The following AVL9 variants were observed in gnomAD, a reference collection of about 807,000 sequenced individuals.
AVL9 encodes the protein late secretory pathway protein AVL9 homolog.
AVL9 carries 49 observed loss-of-function variants against 79.2 expected under a neutral mutation model. The observed-to-expected ratio is 0.62, with a 90% confidence interval of 0.49 to 0.79. AVL9 has a LOEUF of 0.79. AVL9 is among the 30% of genes least tolerant of loss of function. AVL9 has a pLI of 0.00. For missense variants in AVL9, 682 were observed against 776.8 expected, an observed-to-expected ratio of 0.88 and a Z score of 1.45; for synonymous variants, 299 against 280.6, an observed-to-expected ratio of 1.07 and a Z score of -0.65.
chr7:32,581,039 C>T, intron 15 of AVL9, 149 bp downstream of exon 15: 1 of 714,238 alleles, frequency 1.4e-6, no homozygotes, highest in Non-Finnish European at 2.3e-6. Flanking sequence ...TTGTCATATT[C>T]ATTTGAAAAA....
intron 1 of AVL9, among the ~76,000 whole-genome samples, chr7:32,521,260 T>C (rs1330357025): frequency 6.6e-6 from 1 of 152,118 alleles, no homozygotes; most frequent in East Asian, 1.9e-4. Context: ...TTGGAACAGT[T>C]TGGAGGACTC....
intron 1 of AVL9, among the ~76,000 whole-genome samples, chr7:32,499,428 A>G (rs913616484): frequency 6.6e-6 from 1 of 152,076 alleles, no homozygotes; most frequent in Non-Finnish European, 1.5e-5. Flanking sequence ...GTTATTTTCC[A>G]AAGTGATGTC....
At chr7:32,544,561 A>G (rs1047917934) in intron 2 of AVL9, 133 bp from the exon 3 acceptor site, 2 of 631,542 alleles carry the variant, frequency 3.2e-6, no homozygotes, top group Non-Finnish European at 5.4e-6. Flanking sequence ...GGTGCTACAA[A>G]TAAGTATGAT....
intron 1 of AVL9, among the ~76,000 whole-genome samples, chr7:32,528,865 C>T (rs1192363378): frequency 6.6e-6 from 1 of 151,782 alleles, no homozygotes; most frequent in Admixed American, 6.6e-5. Context: ...AAAAAATTAG[C>T]CGGGCATGGT....
At chr7:32,575,308 A>G (rs1791040455) in intron 12 of AVL9, among the ~76,000 whole-genome samples, 1 of 152,174 alleles carries the variant, frequency 6.6e-6, no homozygotes, top group Non-Finnish European at 1.5e-5. Flanking sequence ...CATGTCGGCC[A>G]GGCTGGTCTC....
At chr7:32,579,141 T>C (rs1791233323) in intron 13 of AVL9, among the ~76,000 whole-genome samples, 1 of 149,806 alleles carries the variant, frequency 6.7e-6, no homozygotes, top group Non-Finnish European at 1.5e-5. Context: ...TGGATTTTAC[T>C]AGGGTCACTT....
rs751057561 is a variant in AVL9 at position 32,551,435 on chromosome 7, C to T, written c.462+12C>T. 10 of 1,456,490 alleles carry T rather than the reference C, an allele frequency of 6.9e-6. No homozygotes were observed. The East Asian group carries it at 2.0e-4, about 30-fold the overall frequency. The allele number at this position is 1,456,490 out of a possible 1,614,324, so 90.2% of individuals were successfully genotyped here. ...TTTCTATTCTAAAGGTAACTTTATA[C>T]CCCTCTATAGATGTGTTTGGCTGAA... On this transcript the variant is annotated intron_variant, in intron 5 of 15. Transcript: ENST00000318709.
intron 10 of AVL9, among the ~76,000 whole-genome samples, chr7:32,561,316 C>T (rs1194899608): frequency 6.6e-6 from 1 of 152,240 alleles, no homozygotes; most frequent in Admixed American, 6.5e-5. Flanking sequence ...TAATCACCTT[C>T]ATCAATGACC....
rs575572682 is a variant in AVL9 at position 32,515,073 on chromosome 7, A to G, written c.93+19271A>G. Among the ~76,000 whole-genome samples, 12 of 152,322 alleles carry G rather than the reference A, an allele frequency of 7.9e-5. No individual in the cohort carries two copies. In the East Asian group the frequency reaches 2.3e-3, roughly 29 times the overall value. ...TTCCTTTTTCTCCATAGACACAGTA[A>G]CAATCTGATCTCTCTTTGTTTTCCC... On this transcript the variant is annotated intron_variant, in intron 1 of 15. Coordinates refer to ENST00000318709, the MANE Select transcript of AVL9 (RefSeq NM_015060.3).
At chr7:32,543,715 GTTGC>G (rs1386874781) in intron 2 of AVL9, among the ~76,000 whole-genome samples, 1 of 152,168 alleles carries the variant, frequency 6.6e-6, no homozygotes. Context: ...TGCTTGCAAG[GTTGC>G]TTGCTTGCAT....
intron 13 of AVL9, 30 bp downstream of exon 13, chr7:32,576,102 C>A (rs1791087730): frequency 6.8e-7 from 1 of 1,479,582 alleles, no homozygotes; most frequent in Non-Finnish European, 9.4e-7. Flanking sequence ...ATTGATAGTA[C>A]ATAAATGGTT....
chr7:32,582,836 C>T (rs1020151584), intron 15 of AVL9, among the ~76,000 whole-genome samples: 3 of 152,142 alleles, frequency 2.0e-5, no homozygotes, highest in African/African-American at 7.2e-5. Flanking sequence ...AGGCATGTGC[C>T]ATCATGCCTG....
At chr7:32,557,254 T>C (rs1261242194) in intron 8 of AVL9, among the ~76,000 whole-genome samples, 1 of 152,118 alleles carries the variant, frequency 6.6e-6, no homozygotes, top group Non-Finnish European at 1.5e-5. Context: ...GGTCTCGCTG[T>C]GTTGCGCAGG....
intron 8 of AVL9, among the ~76,000 whole-genome samples, chr7:32,557,399 A>C (rs7787270): frequency 0.03 from 4,509 of 152,162 alleles, 214 homozygotes; most frequent in African/African-American, 0.1. Flanking sequence ...CATGTACTGC[A>C]TTGCTAGCTC....
At chr7:32,545,364 C>CTTTTTTTTTT (rs10610945) in intron 3 of AVL9, among the ~76,000 whole-genome samples, 9 of 73,350 alleles carry the variant, frequency 1.2e-4, no homozygotes, top group Admixed American at 7.1e-4. Context: ...TCTAAGATTT[C>CTTTTTTTTTT]TTTTTTTTTT....
At chr7:32,518,386 CTT>C (rs1031009878) in intron 1 of AVL9, among the ~76,000 whole-genome samples, 57 of 151,866 alleles carry the variant, frequency 3.8e-4, no homozygotes, top group African/African-American at 1.4e-3. Context: ...TATAGACAAA[CTT>C]GTCATAATTT....
At chr7:32,544,815 C>T (rs1298797993) in intron 3 of AVL9, 36 bp downstream of exon 3, 1 of 1,514,938 alleles carries the variant, frequency 6.6e-7, no homozygotes, top group South Asian at 1.1e-5. Context: ...ATTCCAAAGT[C>T]CCTTCTTAGA....
intron 1 of AVL9, among the ~76,000 whole-genome samples, chr7:32,541,497 AAT>A (rs1015800809): frequency 1.3e-4 from 20 of 152,262 alleles, no homozygotes; most frequent in African/African-American, 4.8e-4. Flanking sequence ...GGTGTTAAAA[AAT>A]AATTCTGAAT....
intron 1 of AVL9, chr7:32,534,993 C>T (rs1336153589): frequency 6.6e-6 from 1 of 152,126 alleles, no homozygotes; most frequent in African/African-American, 2.4e-5. Flanking sequence ...TCCTTCTCTT[C>T]CTGGTACAGA....
Sources: gnomAD v4.1 joint callset for allele counts (sites outside exome capture counted in the v4.1 genomes callset) on GRCh38, gnomAD v4.1.1 for gene constraint, MANE v1.5 for transcripts, NCBI Gene and HGNC (gene_info 2026-07-23, HGNC 2026-07-21) for gene names.